The following TIMM10 variants were observed in gnomAD, a reference collection of about 807,000 sequenced individuals.
TIMM10 encodes translocase of inner mitochondrial membrane 10, also known as mitochondrial import inner membrane translocase subunit Tim10.
A neutral mutation model predicts 9.1 loss-of-function variants in TIMM10; 13 were observed. That is an observed-to-expected ratio of 1.42 (90% confidence interval 0.93 to 2.26). The LOEUF is 2.26. TIMM10 is among the 30% of genes most tolerant of loss of function. The pLI is 0.00. For synonymous variants in TIMM10, 40 were observed against 42.1 expected (o/e 0.95, Z 0.20); for missense variants, 82 against 113.6 (o/e 0.72, Z 1.26).
intron 2 of TIMM10, 63 bp from the exon 3 acceptor site, chr11:57,528,981 C>A: frequency 1.3e-6 from 2 of 1,544,844 alleles, no homozygotes; most frequent in East Asian, 2.3e-5. Flanking sequence ...GAACCTTGAC[C>A]ATTCCAGCCC....
chr11:57,530,311 C>T, intron 1 of TIMM10, 77 bp from the exon 2 acceptor site: 1 of 970,626 alleles, frequency 1.0e-6, no homozygotes, highest in East Asian at 2.6e-5. Context: ...ATACAGAGGA[C>T]TCACAGGGCG....
Position 57,528,774 on chromosome 11 carries a change from C to T in TIMM10, c.216G>A (p.Leu72=). ...HERMGKKLTE[L]SMQDEELMKR... ...TCATCAGCTCTTCATCCTGCATAGA[C>T]AACTCTGTCAACTTTTTGCCCATCC... Residue 72 remains leucine, a synonymous_variant, in exon 3 of 3, where the codon TTG becomes TTA. Coordinates refer to ENST00000257245, the MANE Select transcript of TIMM10 (RefSeq NM_012456.3). 1.2e-6 allele frequency: 2 copies of T among 1,614,088 alleles called. No individual in the cohort carries two copies. The highest frequency in any genetic ancestry group is 1.7e-4 in the Middle Eastern group (1 of 6,040).
chr11:57,530,003 A>G, intron 2 of TIMM10, 116 bp downstream of exon 2: 1 of 1,124,310 alleles, frequency 8.9e-7, no homozygotes, highest in Non-Finnish European at 1.3e-6. Context: ...GGGGAGGGTA[A>G]GCATGGGCCT....
In TIMM10 at chr11:57,530,236, T is replaced by C. The variant is rs113138790; in HGVS notation, c.-45-2A>G. On this transcript the variant is annotated splice_acceptor_variant, in intron 1 of 2. Transcript: ENST00000257245. LOFTEE classifies it low-confidence loss of function (5UTR_SPLICE). ...GGATCTCCTTCTGGCCTCCTAATCC[T>C]GGGAGCAGACATCACCATCAGCACC... 1.9e-5 allele frequency: 30 copies of C among 1,601,522 alleles called. No individual in the cohort carries two copies. The highest frequency in any genetic ancestry group is 4.4e-5 in the South Asian group (4 of 90,770).
rs757790712 is a variant in TIMM10 at position 57,528,797 on chromosome 11, T to A, written c.193A>T (p.Met65Leu). 5.6e-6 allele frequency: 9 copies of A among 1,614,000 alleles called. No individual in the cohort carries two copies. In the Admixed American group the frequency reaches 1.0e-4, roughly 18 times the overall value. The change falls in exon 3 of 3, where the codon ATG becomes TTG. Residue 65 changes from methionine to leucine, a missense_variant. Met to Leu is a conservative substitution (Grantham distance 15). Coordinates refer to ENST00000257245, the MANE Select transcript of TIMM10 (RefSeq NM_012456.3). ...GACAACTCTGTCAACTTTTTGCCCATCCGCTCATGGATGTCCAGGTACTTA... is the reference window on the plus strand; with the variant it reads ...GACAACTCTGTCAACTTTTTGCCCAACCGCTCATGGATGTCCAGGTACTTA... ...VSKYLDIHER[M>L]GKKLTELSMQ...
At chr11:57,530,526 A>C (rs1944789251) in intron 1 of TIMM10, 132 bp downstream of exon 1, 1 of 297,236 alleles carries the variant, frequency 3.4e-6, no homozygotes, top group South Asian at 4.1e-5. Flanking sequence ...CACGAACCTG[A>C]ACCTCCAGGG....
chr11:57,529,874 T>C (rs1944781970), intron 2 of TIMM10, among the ~76,000 whole-genome samples: 1 of 152,162 alleles, frequency 6.6e-6, no homozygotes, highest in Non-Finnish European at 1.5e-5. Context: ...AGAGCCTGGA[T>C]TGGAGTTTCT....
intron 2 of TIMM10, among the ~76,000 whole-genome samples, chr11:57,529,673 GTTAC>G (rs1260551929): frequency 1.3e-5 from 2 of 152,160 alleles, no homozygotes; most frequent in East Asian, 3.8e-4. Context: ...CCCTAAGGAA[GTTAC>G]TTAACCTCTA....
chr11:57,528,991 C>T (rs1944775457), intron 2 of TIMM10, 73 bp from the exon 3 acceptor site: 1 of 1,499,292 alleles, frequency 6.7e-7, no homozygotes, highest in African/African-American at 1.4e-5. Context: ...CATTCCAGCC[C>T]TGCTATATTG....
chr11:57,530,560 G>T, intron 1 of TIMM10, 98 bp downstream of exon 1: 1 of 230,284 alleles, frequency 4.3e-6, no homozygotes, highest in South Asian at 6.7e-5. Flanking sequence ...ATCATACGCT[G>T]AACAGAGGCG....
chr11:57,529,521 C>T (rs943720632), intron 2 of TIMM10, among the ~76,000 whole-genome samples: 8 of 152,214 alleles, frequency 5.3e-5, no homozygotes, highest in Non-Finnish European at 1.0e-4. Context: ...AATTGTCAAA[C>T]AGTGCAAGTA....
In TIMM10 at chr11:57,528,712, G is replaced by A. The variant is rs1486574813; in HGVS notation, c.*5C>T. 1.2e-6 allele frequency: 2 copies of A among 1,613,114 alleles called. No homozygotes were observed. The highest frequency in any genetic ancestry group is 2.2e-5 in the East Asian group (1 of 44,876). The stretch of plus-strand genomic sequence containing the variant: ...TACACCCCAGGGTGTATACTGACAG[G>A]GACCTCATGCAGGCCCAGAGCTCTG... On this transcript the variant is annotated 3_prime_UTR_variant, in exon 3 of 3. Coordinates refer to ENST00000257245, the MANE Select transcript of TIMM10 (RefSeq NM_012456.3).
At chr11:57,530,293 G>A (rs1480779521) in intron 1 of TIMM10, 59 bp from the exon 2 acceptor site, 32 of 1,211,098 alleles carry the variant, frequency 2.6e-5, no homozygotes, top group Middle Eastern at 2.7e-4. Flanking sequence ...TACCCCTGGG[G>A]CTAGAGGATA....
In TIMM10 at chr11:57,528,799, C is replaced by T. The variant is rs750576680; in HGVS notation, c.191G>A (p.Arg64Gln). 2.2e-5 allele frequency: 36 copies of T among 1,613,924 alleles called. No individual in the cohort carries two copies. Among genetic ancestry groups the T allele is most frequent in the South Asian group, 3.3e-5 (3 of 91,080 alleles). ...CAACTCTGTCAACTTTTTGCCCATC[C>T]GCTCATGGATGTCCAGGTACTTAGA... The part of the protein sequence containing the change: ...CVSKYLDIHE[R>Q]MGKKLTELSM... Residue 64 changes from arginine (R) to glutamine (Q), a missense_variant, in exon 3 of 3, where the codon CGG becomes CAG. Coordinates refer to ENST00000257245, the MANE Select transcript of TIMM10 (RefSeq NM_012456.3).
chr11:57,530,154 C>T lies in TIMM10; in HGVS notation c.36G>A (p.Glu12=). ...TATCGGCCATCATCTCCACCTCCAGCTCCGCAGCCAGCTGTTGGGCCCTGA... is the reference window on the plus strand; with the variant it reads ...TATCGGCCATCATCTCCACCTCCAGTTCCGCAGCCAGCTGTTGGGCCCTGA... The part of the protein sequence containing the change: ...DPLRAQQLAA[E]LEVEMMADMY... Residue 12 remains glutamate, a synonymous_variant, in exon 2 of 3, where the codon GAG becomes GAA. Transcript: ENST00000257245. 6.2e-7 allele frequency: 1 copy of T among 1,614,182 alleles called. No homozygotes were observed. The highest frequency in any genetic ancestry group is 8.5e-7 in the Non-Finnish European group (1 of 1,180,024).
rs10547275 is a variant in TIMM10 at position 57,528,483 on chromosome 11, TTATATATATA to T, written c.*224_*233del. ...ACATAGTAGGTGTCAACAAACTTGT[TTATATATATA>T]TATATATATATATATATATATATAC... is the stretch of plus-strand genomic sequence containing the variant. On this transcript the variant is annotated 3_prime_UTR_variant, in exon 3 of 3. Coordinates refer to ENST00000257245, the MANE Select transcript of TIMM10 (RefSeq NM_012456.3). The T allele has an allele frequency of 0.13, 19,785 of 149,842 alleles. 1,161 individuals are homozygous for T. Among genetic ancestry groups the T allele is most frequent in the Non-Finnish European group, 0.15 (10,991 of 72,206 alleles). The allele number at this position is 149,842 out of a possible 1,614,324, so 9.3% of individuals were successfully genotyped here.
intron 2 of TIMM10, among the ~76,000 whole-genome samples, chr11:57,529,243 A>C (rs1033693401): frequency 1.3e-5 from 2 of 152,250 alleles, no homozygotes; most frequent in African/African-American, 4.8e-5. Flanking sequence ...AAATTAAGGC[A>C]AACAGAGGCT....
chr11:57,530,746 G>A lies in TIMM10; in HGVS notation c.-134C>T, dbSNP rs1406619275. ...ACCCGCCTCCCGAGAGGCTCCAGCGGAAGCACGTGGGTTACTTCCGGGAGG... is the reference window on the plus strand; with the variant it reads ...ACCCGCCTCCCGAGAGGCTCCAGCGAAAGCACGTGGGTTACTTCCGGGAGG... On this transcript the variant is annotated 5_prime_UTR_variant, in exon 1 of 3. Coordinates refer to ENST00000257245, the MANE Select transcript of TIMM10 (RefSeq NM_012456.3). 6.6e-6 allele frequency: 1 copy of A among 152,602 alleles called. No homozygotes were observed. Among genetic ancestry groups the A allele is most frequent in the Non-Finnish European group, 1.5e-5 (1 of 68,054 alleles). The allele number at this position is 152,602 out of a possible 1,614,324, so 9.5% of individuals were successfully genotyped here.
chr11:57,530,261 C>A, intron 1 of TIMM10, 27 bp from the exon 2 acceptor site: 1 of 1,515,040 alleles, frequency 6.6e-7, no homozygotes, highest in Non-Finnish European at 9.1e-7. Flanking sequence ...CCATCAGCAC[C>A]CACCGCCGCC....
Sources: allele counts gnomAD v4.1 joint callset (sites outside exome capture counted in the v4.1 genomes callset), GRCh38; gene constraint gnomAD v4.1.1; transcripts MANE v1.5; gene names NCBI Gene and HGNC (gene_info 2026-07-23, HGNC 2026-07-21).